Variants in VGLL4 observed in about 807,000 individuals in gnomAD.
The protein encoded by VGLL4 is vestigial like family member 4, also known as transcription cofactor vestigial-like protein 4.
Under a neutral mutation model 21.0 loss-of-function variants are expected in VGLL4, and 7 were observed. The observed-to-expected ratio is 0.33, with a 90% CI of 0.19 to 0.63. The LOEUF is 0.63. Among genes scored for constraint, VGLL4 ranks in the 20% least tolerant of loss-of-function variants. VGLL4 has a pLI of 0.78. For synonymous variants in VGLL4, 222 were observed against 173.2 expected (o/e 1.28, Z -2.21); for missense variants, 394 against 425.7 (o/e 0.93, Z 0.66).
intron 2 of VGLL4, among the ~76,000 whole-genome samples, chr3:11,575,968 T>C (rs2074032318): frequency 6.6e-6 from 1 of 152,198 alleles, no homozygotes; most frequent in Admixed American, 6.5e-5. Context: ...GATCCTCAGG[T>C]CACGTTTCTG....
intron 2 of VGLL4, among the ~76,000 whole-genome samples, chr3:11,672,369 T>C (rs2076229235): frequency 1.9e-5 from 1 of 51,372 alleles, no homozygotes; most frequent in South Asian, 7.2e-4. Flanking sequence ...CATATGCTTC[T>C]ATTTAGTGTT....
At chr3:11,596,578 G>A (rs2074648801) in intron 2 of VGLL4, among the ~76,000 whole-genome samples, 1 of 152,126 alleles carries the variant, frequency 6.6e-6, no homozygotes, top group African/African-American at 2.4e-5. Flanking sequence ...AGCATCGCCA[G>A]GAACTCATTA....
intron 3 of VGLL4, among the ~76,000 whole-genome samples, chr3:11,563,394 G>T (rs1456695472): frequency 6.6e-6 from 1 of 152,236 alleles, no homozygotes; most frequent in Non-Finnish European, 1.5e-5. Flanking sequence ...GCCCACCCCG[G>T]GGAGCAGTGA....
intron 1 of VGLL4, among the ~76,000 whole-genome samples, chr3:11,641,463 A>T (rs1353893860): frequency 2.6e-5 from 4 of 152,160 alleles, no homozygotes; most frequent in African/African-American, 9.7e-5. Flanking sequence ...TTTCCTACAA[A>T]AAAATCCCGT....
At chr3:11,691,782 T>A (rs1322329153) in intron 2 of VGLL4, among the ~76,000 whole-genome samples, 1 of 151,874 alleles carries the variant, frequency 6.6e-6, no homozygotes, top group African/African-American at 2.4e-5. Context: ...TCAGACCACA[T>A]GGAAAAATCA....
chr3:11,644,562 T>TA (rs995042166), upstream of VGLL4, among the ~76,000 whole-genome samples: 2 of 151,802 alleles, frequency 1.3e-5, no homozygotes, highest in African/African-American at 2.4e-5. Flanking sequence ...TAATTTTATT[T>TA]AAAAAAACGA....
At chr3:11,575,892 T>C (rs763786895) in intron 2 of VGLL4, among the ~76,000 whole-genome samples, 4 of 152,232 alleles carry the variant, frequency 2.6e-5, no homozygotes, top group Non-Finnish European at 5.9e-5. Context: ...CCAGACCCGT[T>C]GCCTCTAGAG....
intron 1 of VGLL4, among the ~76,000 whole-genome samples, chr3:11,641,894 C>A (rs2075694837): frequency 6.6e-6 from 1 of 152,148 alleles, no homozygotes; most frequent in Admixed American, 6.5e-5. Context: ...AATTTCCTAA[C>A]AATCTTATAT....
At chr3:11,601,116 T>C (rs188300164) in intron 2 of VGLL4, among the ~76,000 whole-genome samples, 4 of 152,140 alleles carry the variant, frequency 2.6e-5, no homozygotes, top group African/African-American at 9.7e-5. Flanking sequence ...AGCGGGAGGC[T>C]TTTCCAGTGG....
At chr3:11,711,213 T>A (rs534161773) in intron 1 of VGLL4, among the ~76,000 whole-genome samples, 27 of 151,986 alleles carry the variant, frequency 1.8e-4, no homozygotes, top group Admixed American at 1.6e-3. Context: ...GAGACCAGCC[T>A]GGGCAACATG....
chr3:11,643,391 T>C (rs777700592), intron 1 of VGLL4, 46 bp downstream of exon 1: 1 of 1,613,028 alleles, frequency 6.2e-7, no homozygotes, highest in African/African-American at 1.3e-5. Context: ...TGAGGAGGAG[T>C]GGCCGGGACG....
intron 1 of VGLL4, chr3:11,633,677 A>G (rs1027732560): frequency 2.0e-5 from 3 of 149,862 alleles, no homozygotes; most frequent in African/African-American, 7.6e-5. Context: ...TCAAAAAAAC[A>G]AAAAAAAGAT....
chr3:11,626,171 A>G (rs1376444105), intron 1 of VGLL4, among the ~76,000 whole-genome samples: 3 of 152,222 alleles, frequency 2.0e-5, no homozygotes, highest in African/African-American at 7.2e-5. Flanking sequence ...CTTTCCAAGA[A>G]TCTCAATGAG....
intron 3 of VGLL4, among the ~76,000 whole-genome samples, chr3:11,559,687 G>C (rs1454730342): frequency 6.6e-6 from 1 of 152,210 alleles, no homozygotes; most frequent in East Asian, 1.9e-4. Flanking sequence ...GATCAGTGAG[G>C]GTACAAAGGA....
chr3:11,707,881 C>G, intron 1 of VGLL4, among the ~76,000 whole-genome samples: 1 of 152,088 alleles, frequency 6.6e-6, no homozygotes, highest in Non-Finnish European at 1.5e-5. Flanking sequence ...AAAAAGTCTT[C>G]TGCATTTTAT....
At chr3:11,693,682 G>A (rs933297795) in intron 2 of VGLL4, among the ~76,000 whole-genome samples, 3 of 152,108 alleles carry the variant, frequency 2.0e-5, no homozygotes, top group South Asian at 2.1e-4. Context: ...CTGTGGCAGC[G>A]TGCACCTGAG....
chr3:11,603,050 T>C (rs1170264821), intron 1 of VGLL4, among the ~76,000 whole-genome samples: 1 of 152,218 alleles, frequency 6.6e-6, no homozygotes, highest in African/African-American at 2.4e-5. Flanking sequence ...GTCAACTTCA[T>C]CCGAGGCCTT....
chr3:11,698,954 G>A (rs1465109745), intron 2 of VGLL4, among the ~76,000 whole-genome samples: 1 of 152,142 alleles, frequency 6.6e-6, no homozygotes, highest in Non-Finnish European at 1.5e-5. Context: ...AAGGAAAAGA[G>A]AATCATTTAG....
chr3:11,585,847 C>G (rs1220374352), intron 2 of VGLL4, among the ~76,000 whole-genome samples: 1 of 152,112 alleles, frequency 6.6e-6, no homozygotes, highest in East Asian at 1.9e-4. Context: ...ACAGAGGAAC[C>G]ACACATATCC....
Sources: allele counts gnomAD v4.1 joint callset (sites outside exome capture counted in the v4.1 genomes callset), GRCh38; gene constraint gnomAD v4.1.1; transcripts MANE v1.5; gene names NCBI Gene and HGNC (gene_info 2026-07-23, HGNC 2026-07-21).